The following VDAC1 variants were observed in gnomAD, a reference collection of about 807,000 sequenced individuals.
VDAC1 encodes non-selective voltage-gated ion channel VDAC1.
In VDAC1, 10 loss-of-function variants were observed where a neutral mutation model predicts 34.7. The ratio of observed to expected loss-of-function variants is 0.29; its 90% CI spans 0.18 to 0.49. The LOEUF (loss-of-function observed/expected upper bound fraction) is 0.49. Among genes scored for constraint, VDAC1 ranks in the 20% least tolerant of loss-of-function variants. The pLI is 0.99. For synonymous variants in VDAC1, 130 were observed against 136.0 expected, an observed-to-expected ratio of 0.96 and a Z score of 0.30; for missense variants, 230 against 347.9, an observed-to-expected ratio of 0.66 and a Z score of 2.69.
the VDAC1 span, among the ~76,000 whole-genome samples, chr5:134,047,504 CT>C: frequency 6.6e-6 from 1 of 152,228 alleles, no homozygotes; most frequent in African/African-American, 2.4e-5. Context: ...TTGTGTCCAA[CT>C]CCAGACCCCA....
the VDAC1 span, among the ~76,000 whole-genome samples, chr5:134,104,730 C>T: frequency 1.3e-5 from 2 of 152,204 alleles, no homozygotes; most frequent in Non-Finnish European, 2.9e-5. Context: ...TGGGGAAACC[C>T]TTTAAGATGT....
chr5:134,006,076 A>C (rs1753742369), upstream of VDAC1, among the ~76,000 whole-genome samples: 1 of 152,210 alleles, frequency 6.6e-6, no homozygotes, highest in African/African-American at 2.4e-5. Context: ...GGAAGAGGGC[A>C]GCTGATACAG....
At chr5:134,021,753 TG>T in the VDAC1 span, among the ~76,000 whole-genome samples, 1 of 152,010 alleles carries the variant, frequency 6.6e-6, no homozygotes, top group Non-Finnish European at 1.5e-5. Context: ...GATGTGCAGG[TG>T]GGGGGGCCTA....
intron 7 of VDAC1, among the ~76,000 whole-genome samples, chr5:133,974,470 G>T (rs966906502): frequency 1.3e-5 from 2 of 152,136 alleles, no homozygotes; most frequent in Non-Finnish European, 2.9e-5. Context: ...GGGGCGGGGG[G>T]AATTATCAAT....
the VDAC1 span, among the ~76,000 whole-genome samples, chr5:134,073,657 G>A: frequency 1.3e-5 from 2 of 152,184 alleles, no homozygotes; most frequent in African/African-American, 4.8e-5. Flanking sequence ...TCAGAGAGAG[G>A]ATGGCAAATA....
intron 1 of VDAC1, among the ~76,000 whole-genome samples, chr5:134,003,530 C>T (rs1466167275): frequency 6.6e-6 from 1 of 152,194 alleles, no homozygotes; most frequent in East Asian, 1.9e-4. Flanking sequence ...GAAAGTTACT[C>T]AATACCTGGT....
At chr5:134,022,940 G>A in the VDAC1 span, among the ~76,000 whole-genome samples, 133 of 152,322 alleles carry the variant, frequency 8.7e-4, no homozygotes, top group Non-Finnish European at 1.2e-3. Context: ...TCTAGAACCA[G>A]AAATACCATT....
the VDAC1 span, among the ~76,000 whole-genome samples, chr5:134,054,078 A>G: frequency 7.9e-5 from 12 of 152,246 alleles, no homozygotes; most frequent in African/African-American, 2.7e-4. Context: ...AAACATTTCA[A>G]TTATGGCGTT....
intron 5 of VDAC1, among the ~76,000 whole-genome samples, chr5:133,984,747 C>A (rs1298332932): frequency 6.6e-6 from 1 of 152,078 alleles, no homozygotes; most frequent in Non-Finnish European, 1.5e-5. Flanking sequence ...ACCAGCCTGG[C>A]CAACATGGCA....
chr5:134,025,583 T>C, the VDAC1 span, among the ~76,000 whole-genome samples: 1 of 147,890 alleles, frequency 6.8e-6, no homozygotes, highest in Non-Finnish European at 1.5e-5. Context: ...CCTCTCTCCC[T>C]CTCTCTTATT....
At chr5:134,064,150 A>G in the VDAC1 span, among the ~76,000 whole-genome samples, 5 of 151,560 alleles carry the variant, frequency 3.3e-5, no homozygotes, top group Non-Finnish European at 5.9e-5. Flanking sequence ...TGAATTTTTC[A>G]TATAGACAAT....
At chr5:134,056,128 C>T in the VDAC1 span, among the ~76,000 whole-genome samples, 1 of 151,712 alleles carries the variant, frequency 6.6e-6, no homozygotes, top group African/African-American at 2.4e-5. Flanking sequence ...GTAATCCCAG[C>T]TACTCGGGAG....
chr5:134,040,508 G>C, the VDAC1 span, among the ~76,000 whole-genome samples: 2 of 152,048 alleles, frequency 1.3e-5, no homozygotes, highest in Non-Finnish European at 1.5e-5. Context: ...CCGGGAGGCA[G>C]AGGTTGCAGT....
the VDAC1 span, among the ~76,000 whole-genome samples, chr5:134,021,544 T>G: frequency 7.0e-6 from 1 of 142,178 alleles, no homozygotes; most frequent in Non-Finnish European, 1.5e-5. Flanking sequence ...TGCATAGTAT[T>G]GAGACCTTGT....
At chr5:134,038,112 C>A in the VDAC1 span, among the ~76,000 whole-genome samples, 1 of 151,930 alleles carries the variant, frequency 6.6e-6, no homozygotes, top group Non-Finnish European at 1.5e-5. Context: ...GGTTCCCAAG[C>A]AATAAACAAG....
chr5:134,054,259 G>T, the VDAC1 span, among the ~76,000 whole-genome samples: 2 of 152,146 alleles, frequency 1.3e-5, no homozygotes, highest in South Asian at 4.2e-4. Context: ...TGGTGGCTAG[G>T]GCGGGGCTGC....
At chr5:134,055,602 T>TTTTTTTTTTTTTTTTTTG in the VDAC1 span, among the ~76,000 whole-genome samples, 1 of 139,934 alleles carries the variant, frequency 7.1e-6, no homozygotes, top group Non-Finnish European at 1.6e-5. Flanking sequence ...TTTTTTTTTT[T>TTTTTTTTTTTTTTTTTTG]TTTTTTTTTT....
intron 5 of VDAC1, among the ~76,000 whole-genome samples, chr5:133,985,292 T>G (rs1027655526): frequency 2.6e-5 from 4 of 152,212 alleles, no homozygotes; most frequent in Non-Finnish European, 5.9e-5. Flanking sequence ...AACCTCAATT[T>G]TGTTCAAGTT....
intron 1 of VDAC1, among the ~76,000 whole-genome samples, chr5:133,993,330 T>A (rs953520787): frequency 6.6e-6 from 1 of 152,198 alleles, no homozygotes; most frequent in Non-Finnish European, 1.5e-5. Context: ...GCTTAATGAA[T>A]AAACTGTCAA....
Sources: allele counts gnomAD v4.1 joint callset (sites outside exome capture counted in the v4.1 genomes callset), GRCh38; gene constraint gnomAD v4.1.1; transcripts MANE v1.5; gene names NCBI Gene and HGNC (gene_info 2026-07-23, HGNC 2026-07-21).